Variants in CCND3 observed in about 807,000 individuals in gnomAD.
CCND3 encodes cyclin D3, also known as G1/S-specific cyclin-D3.
In CCND3, 9 loss-of-function variants were observed where a neutral mutation model predicts 28.7. The ratio of observed to expected loss-of-function variants is 0.31; its 90% CI spans 0.19 to 0.55. CCND3 has a LOEUF of 0.55. CCND3 is among the 20% of genes least tolerant of loss of function. CCND3 has a pLI of 0.93. For synonymous variants in CCND3, 164 were observed against 163.9 expected (o/e 1.00, Z 0.00); for missense variants, 315 against 385.8 (o/e 0.82, Z 1.54).
chr6:42,044,811 C>T (rs1377467274), intron 1 of CCND3, among the ~76,000 whole-genome samples: 2 of 47,072 alleles, frequency 4.2e-5, no homozygotes, highest in Admixed American at 1.9e-4. Flanking sequence ...TTATTTGAGA[C>T]GGAGTCTCAC....
At chr6:41,988,759 C>T (rs184748568) in intron 1 of CCND3, among the ~76,000 whole-genome samples, 2,561 of 136,790 alleles carry the variant, frequency 0.019, 65 homozygotes, top group South Asian at 0.074. Flanking sequence ...AGTGCAGTGG[C>T]GCGATGTCGG....
intron 1 of CCND3, among the ~76,000 whole-genome samples, chr6:41,954,933 T>C (rs1250406724): frequency 6.6e-6 from 1 of 152,122 alleles, no homozygotes; most frequent in Non-Finnish European, 1.5e-5. Context: ...TGAATTTTCC[T>C]CCCTGATGAT....
intron 1 of CCND3, among the ~76,000 whole-genome samples, chr6:42,017,756 T>C (rs1407031971): frequency 6.6e-6 from 1 of 152,174 alleles, no homozygotes; most frequent in Non-Finnish European, 1.5e-5. Context: ...AATCTATATA[T>C]TGACATACAA....
intron 1 of CCND3, among the ~76,000 whole-genome samples, chr6:41,966,618 A>G (rs912825170): frequency 7.9e-5 from 12 of 152,244 alleles, no homozygotes; most frequent in Admixed American, 7.8e-4. Context: ...ATCTCCATAC[A>G]GAATTTACCA....
chr6:41,946,185 A>AC (rs544740794), upstream of CCND3, among the ~76,000 whole-genome samples: 67 of 152,018 alleles, frequency 4.4e-4, 1 homozygote, highest in Admixed American at 1.8e-3. Flanking sequence ...TAACAGTAGT[A>AC]CCCCCCCACA....
chr6:41,969,939 G>T (rs1312654685), intron 1 of CCND3, among the ~76,000 whole-genome samples: 1 of 152,126 alleles, frequency 6.6e-6, no homozygotes, highest in East Asian at 1.9e-4. Flanking sequence ...GGGCATGGTG[G>T]TGAACGCCTG....
intron 1 of CCND3, among the ~76,000 whole-genome samples, chr6:41,952,253 GC>G (rs1776335528): frequency 6.6e-6 from 1 of 152,250 alleles, no homozygotes; most frequent in Admixed American, 6.5e-5. Flanking sequence ...CTTCCCAGAA[GC>G]AGACCTTGAG....
chr6:41,946,461 C>T (rs1290884397), upstream of CCND3, among the ~76,000 whole-genome samples: 1 of 151,384 alleles, frequency 6.6e-6, no homozygotes, highest in Non-Finnish European at 1.5e-5. Context: ...ATTAGCCGAA[C>T]GCAGTGGCGC....
At chr6:42,004,573 A>C (rs139628411) in intron 1 of CCND3, among the ~76,000 whole-genome samples, 37 of 152,208 alleles carry the variant, frequency 2.4e-4, no homozygotes, top group African/African-American at 8.7e-4. Context: ...TTTACTAAAA[A>C]TACAAAAAAA....
chr6:41,960,394 C>A (rs9471698), intron 1 of CCND3, among the ~76,000 whole-genome samples: 6,095 of 152,276 alleles, frequency 0.04, 152 homozygotes, highest in South Asian at 0.07. Context: ...TGGTATGTAA[C>A]TTATAACTCA....
chr6:42,007,749 A>G (rs1375435799), intron 1 of CCND3, among the ~76,000 whole-genome samples: 1 of 152,258 alleles, frequency 6.6e-6, no homozygotes. Context: ...AGGGCTGGAC[A>G]GGATCGAGAG....
rs753509294 is a variant in CCND3 at position 42,048,641 on chromosome 6, C to T, written c.-186G>A. The T allele has an allele frequency of 4.6e-5, 24 of 518,196 alleles. 1 individual carries two copies. The highest frequency in any genetic ancestry group is 3.2e-4 in the South Asian group (23 of 71,438). The allele number at this position is 518,196 out of a possible 1,614,324, so 32.1% of individuals were successfully genotyped here. ...GAGGATTGCACCTCTCCCCCCCGGC[C>T]GGCATCCGAACAGAGCCAGTCTCCA... On this transcript the variant is annotated 5_prime_UTR_variant, in exon 1 of 5. Coordinates refer to the CCND3 transcript ENST00000372988. The surrounding 1 kb of genome is among the most constrained non-coding windows in gnomAD (Gnocchi z 4.7).
At chr6:41,974,254 A>G (rs2127409166) in intron 1 of CCND3, among the ~76,000 whole-genome samples, 1 of 152,302 alleles carries the variant, frequency 6.6e-6, no homozygotes, top group East Asian at 1.9e-4. Context: ...TCGTGCACCC[A>G]TACCCCACTT....
At chr6:41,971,564 A>G (rs923620341) in intron 1 of CCND3, among the ~76,000 whole-genome samples, 6 of 150,628 alleles carry the variant, frequency 4.0e-5, no homozygotes, top group Admixed American at 3.3e-4. Context: ...TTTTTTTGAG[A>G]TAGAGTCTCG....
chr6:41,964,289 TGTGTGA>T (rs754005448), intron 1 of CCND3, among the ~76,000 whole-genome samples: 6 of 152,066 alleles, frequency 3.9e-5, no homozygotes, highest in Non-Finnish European at 7.4e-5. Context: ...TATGTGTGTG[TGTGTGA>T]GTATGTGTGA....
intron 1 of CCND3, among the ~76,000 whole-genome samples, chr6:42,007,597 T>A (rs13200374): frequency 6.6e-6 from 1 of 152,178 alleles, no homozygotes; most frequent in South Asian, 2.1e-4. Context: ...GCAACCATAG[T>A]ACCATTCATA....
At chr6:41,978,359 G>A (rs1465528038) in intron 1 of CCND3, among the ~76,000 whole-genome samples, 11 of 140,490 alleles carry the variant, frequency 7.8e-5, no homozygotes, top group African/African-American at 2.6e-4. Flanking sequence ...GCAACAGAGC[G>A]AGACTCCATC....
chr6:41,954,509 G>A (rs929447000), intron 1 of CCND3, among the ~76,000 whole-genome samples: 2 of 147,082 alleles, frequency 1.4e-5, no homozygotes, highest in African/African-American at 2.5e-5. Context: ...GGAGAATAGC[G>A]CCATTGCACT....
At chr6:41,970,213 C>T (rs1471430448) in intron 1 of CCND3, among the ~76,000 whole-genome samples, 1 of 152,126 alleles carries the variant, frequency 6.6e-6, no homozygotes, top group Non-Finnish European at 1.5e-5. Flanking sequence ...GTGGCACGTG[C>T]CTGTAGTCCC....
Sources: allele counts gnomAD v4.1 joint callset (sites outside exome capture counted in the v4.1 genomes callset), GRCh38; gene constraint gnomAD v4.1.1; non-coding constraint Gnocchi (gnomAD v3.1); transcripts MANE v1.5; gene names NCBI Gene and HGNC (gene_info 2026-07-23, HGNC 2026-07-21).